GUCY1A2: variants seen among roughly 807,000 people sequenced by gnomAD.
GUCY1A2 encodes the protein guanylate cyclase soluble subunit alpha-2.
Under a neutral mutation model 63.5 loss-of-function variants are expected in GUCY1A2, and 27 were observed. The observed-to-expected ratio is 0.43, with a 90% CI of 0.31 to 0.59. The LOEUF (loss-of-function observed/expected upper bound fraction) is 0.59. Among genes scored for constraint, GUCY1A2 ranks in the 20% least tolerant of loss-of-function variants. GUCY1A2 has a pLI of 0.11. For missense variants in GUCY1A2, 768 were observed against 913.3 expected, an observed-to-expected ratio of 0.84 and a Z score of 2.05; for synonymous variants, 364 against 343.5, an observed-to-expected ratio of 1.06 and a Z score of -0.66.
chr11:106,752,251 TAAC>T (rs1431719790), intron 6 of GUCY1A2, among the ~76,000 whole-genome samples: 19 of 152,026 alleles, frequency 1.2e-4, no homozygotes, highest in African/African-American at 4.6e-4. Flanking sequence ...ACAAACCAAT[TAAC>T]AACATGGCTA....
intron 4 of GUCY1A2, among the ~76,000 whole-genome samples, chr11:106,814,656 T>C (rs900587623): frequency 1.3e-5 from 2 of 152,032 alleles, no homozygotes; most frequent in African/African-American, 4.8e-5. Context: ...TCAAGCAGCA[T>C]TACCAAGGAC....
intron 6 of GUCY1A2, among the ~76,000 whole-genome samples, chr11:106,722,523 A>G (rs916217859): frequency 6.6e-6 from 1 of 152,106 alleles, no homozygotes; most frequent in Admixed American, 6.5e-5. Context: ...AGTACAAAAT[A>G]AAAGAATAAT....
chr11:106,858,354 G>T (rs1859464940), intron 4 of GUCY1A2, among the ~76,000 whole-genome samples: 1 of 152,096 alleles, frequency 6.6e-6, no homozygotes, highest in South Asian at 2.1e-4. Flanking sequence ...AAGTTGAAAA[G>T]CTTTGGCTGT....
intron 7 of GUCY1A2, among the ~76,000 whole-genome samples, chr11:106,692,261 ACT>A (rs1862638327): frequency 6.6e-6 from 1 of 152,034 alleles, no homozygotes; most frequent in Non-Finnish European, 1.5e-5. Context: ...GTTGTTACAC[ACT>A]CTGGGAGTTT....
chr11:106,762,508 T>G (rs1237922734), intron 6 of GUCY1A2, among the ~76,000 whole-genome samples: 4 of 152,072 alleles, frequency 2.6e-5, no homozygotes, highest in Admixed American at 2.0e-4. Context: ...TCAAGACATT[T>G]GCACCCCAAC....
At chr11:106,894,131 C>T (rs1201518522) in intron 4 of GUCY1A2, among the ~76,000 whole-genome samples, 1 of 152,162 alleles carries the variant, frequency 6.6e-6, no homozygotes, top group African/African-American at 2.4e-5. Flanking sequence ...CCAATCAACT[C>T]TAGCCTTCCG....
chr11:106,884,232 T>G (rs1859866372), intron 4 of GUCY1A2, among the ~76,000 whole-genome samples: 1 of 152,124 alleles, frequency 6.6e-6, no homozygotes, highest in Non-Finnish European at 1.5e-5. Flanking sequence ...GCCTTTATGG[T>G]GATAACATTT....
chr11:106,698,992 T>C (rs1044671512), intron 7 of GUCY1A2, among the ~76,000 whole-genome samples: 2 of 152,180 alleles, frequency 1.3e-5, no homozygotes, highest in Admixed American at 1.3e-4. Flanking sequence ...AAGAAAATGC[T>C]TCATAAACAC....
At chr11:106,862,845 A>C (rs1311677883) in intron 4 of GUCY1A2, among the ~76,000 whole-genome samples, 1 of 152,104 alleles carries the variant, frequency 6.6e-6, no homozygotes, top group Non-Finnish European at 1.5e-5. Context: ...TGGGAAGTGC[A>C]AACTGCTCTT....
rs187549461 is a variant in GUCY1A2, at chr11:106,825,813, G to A, written c.1207-15335C>T. Among the ~76,000 whole-genome samples, 950 of 152,302 alleles carry A rather than the reference G, an allele frequency of 6.2e-3. 15 individuals are homozygous for A. The highest frequency in any genetic ancestry group is 0.021 in the African/African-American group (891 of 41,568). ...AAGTTTTAAGAAAGTTTACAAATTT[G>A]TGTTGGGCTGCATTCAAAGCTGTCC... On this transcript the variant is annotated intron_variant, in intron 4 of 7. Transcript: ENST00000526355.
rs550639707 is a variant in GUCY1A2 at position 106,899,722 on chromosome 11, T to G, written c.1206+39738A>C. ...CCTTCATCCCAGAAAAAGAATCCTA[T>G]GCCAAATTTTGCATATTAATAATGC... On this transcript the variant is annotated intron_variant, in intron 4 of 7. Coordinates refer to ENST00000526355, the MANE Select transcript of GUCY1A2 (RefSeq NM_000855.3). Among the ~76,000 whole-genome samples, 189 of 152,324 alleles carry G rather than the reference T, an allele frequency of 1.2e-3. 1 individual carries two copies. Among genetic ancestry groups the G allele is most frequent in the African/African-American group, 4.3e-3 (177 of 41,576 alleles).
chr11:106,952,088 T>A (rs1180033054), intron 3 of GUCY1A2, among the ~76,000 whole-genome samples: 1 of 152,164 alleles, frequency 6.6e-6, no homozygotes, highest in African/African-American at 2.4e-5. Context: ...TACTGCTCCA[T>A]TGGTCTATAT....
chr11:106,724,094 T>C (rs943905287), intron 6 of GUCY1A2, among the ~76,000 whole-genome samples: 5 of 152,150 alleles, frequency 3.3e-5, no homozygotes, highest in Non-Finnish European at 5.9e-5. Flanking sequence ...TTGGGTCAAG[T>C]GAGTGTATCC....
chr11:106,804,655 A>G (rs1313448759), intron 5 of GUCY1A2, among the ~76,000 whole-genome samples: 1 of 152,204 alleles, frequency 6.6e-6, no homozygotes, highest in African/African-American at 2.4e-5. Flanking sequence ...AGACAAATCA[A>G]AATTCTTGAG....
chr11:106,961,708 AGCCTTGCCAGTATATTATT>A (rs1861060364), intron 3 of GUCY1A2, among the ~76,000 whole-genome samples: 1 of 152,194 alleles, frequency 6.6e-6, no homozygotes, highest in Non-Finnish European at 1.5e-5. Flanking sequence ...GCACATTCCT[AGCCTTGCCAGTATATTATT>A]GCTATTTCCT....
intron 4 of GUCY1A2, among the ~76,000 whole-genome samples, chr11:106,932,432 T>C (rs1860616077): frequency 6.6e-6 from 1 of 152,120 alleles, no homozygotes; most frequent in Non-Finnish European, 1.5e-5. Context: ...TATACTAATT[T>C]TTAAAAACCC....
intron 6 of GUCY1A2, among the ~76,000 whole-genome samples, chr11:106,740,266 G>T (rs1032137653): frequency 6.6e-6 from 1 of 151,738 alleles, no homozygotes; most frequent in South Asian, 2.1e-4. Context: ...TCCCAACAAT[G>T]TGCTGTGATT....
intron 6 of GUCY1A2, among the ~76,000 whole-genome samples, chr11:106,720,550 C>T (rs536254063): frequency 7.1e-4 from 108 of 151,820 alleles, no homozygotes; most frequent in Middle Eastern, 3.4e-3. Context: ...TAGAGATGAA[C>T]GATGCATAAT....
chr11:106,747,822 G>T (rs1863816103), intron 6 of GUCY1A2, among the ~76,000 whole-genome samples: 1 of 152,182 alleles, frequency 6.6e-6, no homozygotes, highest in African/African-American at 2.4e-5. Flanking sequence ...AACAGCAAAG[G>T]TGGAGCTTGT....
Sources: allele counts gnomAD v4.1 joint callset (sites outside exome capture counted in the v4.1 genomes callset), GRCh38; gene constraint gnomAD v4.1.1; transcripts MANE v1.5; gene names NCBI Gene and HGNC (gene_info 2026-07-23, HGNC 2026-07-21).